Variants in ZNRF1 observed in about 807,000 individuals in gnomAD.
ZNRF1 encodes E3 ubiquitin-protein ligase ZNRF1.
Under a neutral mutation model 18.4 loss-of-function variants are expected in ZNRF1, and 3 were observed. The ratio of observed to expected loss-of-function variants is 0.16; its 90% CI spans 0.07 to 0.42. The LOEUF (loss-of-function observed/expected upper bound fraction) is 0.42. ZNRF1 is among the 10% of genes least tolerant of loss of function. The probability of loss-of-function intolerance (pLI) is 0.99; values close to 1 mark genes in which losing one functional copy is unlikely to be tolerated. For synonymous variants in ZNRF1, 157 were observed against 144.2 expected (o/e 1.09, Z -0.64); for missense variants, 310 against 329.8 (o/e 0.94, Z 0.47).
chr16:75,058,619 C>A (rs2035698778), intron 1 of ZNRF1, among the ~76,000 whole-genome samples: 1 of 152,294 alleles, frequency 6.6e-6, no homozygotes, highest in African/African-American at 2.4e-5. Flanking sequence ...GACAACAGGG[C>A]TCCCAGGACT....
In ZNRF1 at chr16:75,110,491, C is replaced by T. The variant is rs542406582; in HGVS notation, c.*2791C>T. 6.6e-6 allele frequency: 1 copy of T among 152,344 alleles called. No homozygotes were observed. The highest frequency in any genetic ancestry group is 2.1e-4 in the South Asian group (1 of 4,828). The allele number at this position is 152,344 out of a possible 1,614,324, so 9.4% of individuals were successfully genotyped here. ...GGTACTGCAGTTCATGGGAAAATGT[C>T]CTCATTCTTAGGAGATAGATGCTGG... On this transcript the variant is annotated 3_prime_UTR_variant, in exon 5 of 5. Coordinates refer to ENST00000335325, the MANE Select transcript of ZNRF1 (RefSeq NM_032268.5).
chr16:75,008,503 A>G (rs1314784060), intron 1 of ZNRF1, among the ~76,000 whole-genome samples: 4 of 152,200 alleles, frequency 2.6e-5, no homozygotes, highest in Admixed American at 2.6e-4. Flanking sequence ...TAGACAAGTC[A>G]AGAGCTTAGG....
intron 1 of ZNRF1, among the ~76,000 whole-genome samples, chr16:75,026,853 T>C (rs1400268599): frequency 5.3e-5 from 8 of 151,706 alleles, no homozygotes; most frequent in Non-Finnish European, 1.0e-4. Flanking sequence ...CAAGAATCAC[T>C]TGAACCCAGA....
intron 1 of ZNRF1, among the ~76,000 whole-genome samples, chr16:75,010,711 G>GTGTT (rs1367958306): frequency 0.01 from 757 of 74,256 alleles, 14 homozygotes; most frequent in African/African-American, 0.027. Context: ...GTTTTTTTTT[G>GTGTT]TTTTTTTGTT....
intron 3 of ZNRF1, 28 bp downstream of exon 3, chr16:75,104,917 TG>T (rs1277475491): frequency 1.3e-6 from 2 of 1,546,102 alleles, no homozygotes; most frequent in South Asian, 2.4e-5. Flanking sequence ...GGTAGCTTAG[TG>T]CACCCCACCT....
Position 74,999,696 on chromosome 16 carries a change from G to A in ZNRF1, c.25G>A (p.Ala9Thr). The change falls in exon 1 of 5, where the codon GCC (alanine) becomes ACC (threonine). Residue 9 changes from alanine to threonine, a missense_variant. By Grantham distance (58) the Ala-to-Thr change is moderately conservative. Around this residue, in one of 2 missense-constraint regions of ZNRF1, gnomAD observed 293 missense variants for 291.2 expected, o/e 1.01. Coordinates refer to ENST00000335325, the MANE Select transcript of ZNRF1 (RefSeq NM_032268.5). MGGKQSTA[A>T]RSRGPFPGVS... The stretch of plus-strand genomic sequence containing the variant: ...CATGGGGGGCAAGCAGAGCACGGCG[G>A]CCCGCTCCCGGGGCCCCTTCCCGGG... The A allele has an allele frequency of 7.3e-7, 1 of 1,361,042 alleles. No individual in the cohort carries two copies. The highest frequency in any genetic ancestry group is 9.4e-7 in the Non-Finnish European group (1 of 1,063,190). 84.3% of individuals were successfully genotyped at this position (1,361,042 alleles called of 1,614,324 possible).
At position 75,090,719 on chromosome 16, in the gene ZNRF1, G is replaced by T. The variant is rs1427723408; in HGVS notation, c.425-2853G>T. 2.6e-5 allele frequency among the ~76,000 whole-genome samples: 4 copies of T among 152,138 alleles called. No individual in the cohort carries two copies. In the East Asian group the frequency reaches 7.7e-4, roughly 29 times the overall value. On this transcript the variant is annotated intron_variant, in intron 1 of 4. Transcript: ENST00000335325. Reference sequence around the variant, plus strand: ...ATGGAGTCAACTGTCCACTTTGTCTGTAGTTAGCCAGGCCCTGAATTTTCT... The same window carrying T: ...ATGGAGTCAACTGTCCACTTTGTCTTTAGTTAGCCAGGCCCTGAATTTTCT...
intron 1 of ZNRF1, among the ~76,000 whole-genome samples, chr16:75,013,885 A>G (rs1386118325): frequency 6.6e-6 from 1 of 151,546 alleles, no homozygotes; most frequent in African/African-American, 2.4e-5. Context: ...GCTAGGGGGC[A>G]GTGGTGTGGT....
intron 1 of ZNRF1, among the ~76,000 whole-genome samples, chr16:75,080,949 G>A (rs764245387): frequency 6.6e-6 from 1 of 152,082 alleles, no homozygotes; most frequent in Non-Finnish European, 1.5e-5. Context: ...CAAGGTGGGC[G>A]GATCACCAGG....
intron 1 of ZNRF1, among the ~76,000 whole-genome samples, chr16:75,027,988 G>T (rs193116014): frequency 1.3e-5 from 2 of 152,046 alleles, no homozygotes; most frequent in African/African-American, 2.4e-5. Context: ...ACTCGCCACC[G>T]TATCCACCCA....
rs747798334 is a variant in ZNRF1, at chr16:75,104,780, G to A, written c.521-4G>A. 2 of 1,597,972 alleles carry A rather than the reference G, an allele frequency of 1.3e-6. No individual in the cohort carries two copies. Among genetic ancestry groups the A allele is most frequent in the Non-Finnish European group, 1.7e-6 (2 of 1,173,154 alleles). ...TCCTGCACTCTCCCCTGTCCCCCTT[G>A]CAGATGATGTGCTGACTAAAGACGC... On this transcript the variant is annotated splice_region_variant and splice_polypyrimidine_tract_variant and intron_variant, in intron 2 of 4. Transcript: ENST00000335325.
chr16:75,051,531 T>TGGGG (rs1222222271), intron 1 of ZNRF1, among the ~76,000 whole-genome samples: 6 of 151,006 alleles, frequency 4.0e-5, no homozygotes, highest in African/African-American at 1.2e-4. Context: ...TTTTTTTTTT[T>TGGGG]GGGGGGGACG....
intron 1 of ZNRF1, among the ~76,000 whole-genome samples, chr16:75,069,518 A>G (rs568991286): frequency 1.3e-5 from 2 of 152,292 alleles, no homozygotes; most frequent in East Asian, 3.9e-4. Flanking sequence ...GGTTCAAGCA[A>G]TTCTTCTGCC....
At chr16:75,079,740 A>G (rs1162808705) in intron 1 of ZNRF1, among the ~76,000 whole-genome samples, 1 of 152,110 alleles carries the variant, frequency 6.6e-6, no homozygotes, top group Non-Finnish European at 1.5e-5. Context: ...GTTGTGGCCT[A>G]CTGGACTGTG....
At chr16:75,059,236 T>C (rs1200558752) in intron 1 of ZNRF1, among the ~76,000 whole-genome samples, 31 of 108,514 alleles carry the variant, frequency 2.9e-4, no homozygotes, top group Non-Finnish European at 4.4e-4. Context: ...TTTCTTTTTT[T>C]TTTTTTTTCT....
At chr16:75,072,485 G>A (rs2035881203) in intron 1 of ZNRF1, among the ~76,000 whole-genome samples, 1 of 152,136 alleles carries the variant, frequency 6.6e-6, no homozygotes, top group Non-Finnish European at 1.5e-5. Context: ...TTAAGCTTCA[G>A]GAAGGAGCTT....
At chr16:75,075,473 G>T (rs2035928294) in intron 1 of ZNRF1, among the ~76,000 whole-genome samples, 1 of 152,258 alleles carries the variant, frequency 6.6e-6, no homozygotes, top group Non-Finnish European at 1.5e-5. Flanking sequence ...TGGTATGGCA[G>T]TTACTGGAAC....
chr16:75,091,595 C>G (rs866954409), intron 1 of ZNRF1, among the ~76,000 whole-genome samples: 21 of 148,836 alleles, frequency 1.4e-4, no homozygotes, highest in Middle Eastern at 3.7e-3. Flanking sequence ...TGCAGTGGCA[C>G]AAACATGGCT....
intron 1 of ZNRF1, among the ~76,000 whole-genome samples, chr16:75,087,982 T>TA (rs1240908243): frequency 6.6e-6 from 1 of 152,254 alleles, no homozygotes; most frequent in Non-Finnish European, 1.5e-5. Flanking sequence ...AAGCATCTCT[T>TA]ACCTGCTCTG....
Sources: allele counts gnomAD v4.1 joint callset (sites outside exome capture counted in the v4.1 genomes callset), GRCh38; gene constraint gnomAD v4.1.1; regional missense constraint gnomAD v4.1.1; transcripts MANE v1.5; gene names NCBI Gene and HGNC (gene_info 2026-07-23, HGNC 2026-07-21).